Variants in OBSL1 observed in about 807,000 individuals in gnomAD.
OBSL1 encodes obscurin-like protein 1.
OBSL1 carries 160 observed loss-of-function variants against 172.0 expected under a neutral mutation model. The observed-to-expected ratio is 0.93, with a 90% CI of 0.82 to 1.06. The LOEUF (loss-of-function observed/expected upper bound fraction) is 1.06, where lower values mean the gene tolerates loss of function less well. OBSL1 is among the 50% of genes least tolerant of loss of function. OBSL1 has a pLI of 0.00. For synonymous variants in OBSL1, 1,200 were observed against 1,196.3 expected, an observed-to-expected ratio of 1.00 and a Z score of -0.06; for missense variants, 2,681 against 2,715.4, an observed-to-expected ratio of 0.99 and a Z score of 0.28.
Position 219,567,561 on chromosome 2 carries a change from G to T in OBSL1, c.1549C>A (p.Pro517Thr), listed in dbSNP as rs765875181. The T allele has an allele frequency of 2.6e-5, 42 of 1,609,478 alleles. No homozygotes were observed. The highest frequency in any genetic ancestry group is 3.6e-5 in the Non-Finnish European group (42 of 1,176,394). Reference sequence around the variant, plus strand: ...TCTGCCAATATGGGGGGTCCTGGGGGACTGTGCTTGACACCTGAGACCAAG... The same window carrying T: ...TCTGCCAATATGGGGGGTCCTGGGGTACTGTGCTTGACACCTGAGACCAAG... Reference protein sequence around the residue: ...LLRVKCVKHSPPGPPILAEMF... With the variant: ...LLRVKCVKHSTPGPPILAEMF... Residue 517 changes from proline (P) to threonine (T), a missense_variant, in exon 4 of 21, where the codon CCC becomes ACC. Coordinates refer to ENST00000404537, the MANE Select transcript of OBSL1 (RefSeq NM_015311.3).
chr2:219,571,253 A>T lies in OBSL1; in HGVS notation c.-21T>A. On this transcript the variant is annotated 5_prime_UTR_variant, in exon 1 of 21. Coordinates refer to ENST00000404537, the MANE Select transcript of OBSL1 (RefSeq NM_015311.3). ...TTCATCGCGGCGGCCGACCGCCTGCAGCGGCGAACGGTGGGGGGGCAGGGG... is the reference window on the plus strand; with the variant it reads ...TTCATCGCGGCGGCCGACCGCCTGCTGCGGCGAACGGTGGGGGGGCAGGGG... 2 of 1,153,844 alleles carry T rather than the reference A, an allele frequency of 1.7e-6. No homozygotes were observed. Among genetic ancestry groups the T allele is most frequent in the Admixed American group, 4.0e-5 (1 of 25,046 alleles). The allele number at this position is 1,153,844 out of a possible 1,614,324, so 71.5% of individuals were successfully genotyped here.
Position 219,552,512 on chromosome 2 carries a change from G to A in OBSL1, c.5308+24C>T, listed in dbSNP as rs1221880743. ...GCCTGGGCGGGGCAGCGAGGGGCCC[G>A]AAAGGGTAACCAGGCGGGCAGACCT... is the stretch of plus-strand genomic sequence containing the variant. On this transcript the variant is annotated intron_variant, in intron 18 of 20. Transcript: ENST00000404537. The A allele has an allele frequency of 1.9e-6, 3 of 1,586,380 alleles. No individual in the cohort carries two copies. In the South Asian group the frequency reaches 3.4e-5, roughly 18 times the overall value.
chr2:219,571,117 G>A lies in OBSL1; in HGVS notation c.116C>T (p.Pro39Leu). Residue 39 changes from proline (P) to leucine (L), a missense_variant, in exon 1 of 21, where the codon CCG becomes CTG. Physicochemically the swap from Pro to Leu is moderately conservative, Grantham distance 98. Transcript: ENST00000404537. ...AELKCVVLGE[P>L]PPVVVWEKGG... Reference sequence around the variant, plus strand: ...CTTCTCCCACACCACTACAGGCGGCGGCTCCCCCAGGACCACGCACTTGAG... The same window carrying A: ...CTTCTCCCACACCACTACAGGCGGCAGCTCCCCCAGGACCACGCACTTGAG... The A allele has an allele frequency of 6.8e-7, 1 of 1,470,098 alleles. No homozygotes were observed. Among genetic ancestry groups the A allele is most frequent in the Non-Finnish European group, 9.0e-7 (1 of 1,116,208 alleles). The allele number at this position is 1,470,098 out of a possible 1,614,324, so 91.1% of individuals were successfully genotyped here.
chr2:219,565,461 T>C lies in OBSL1; in HGVS notation c.2188A>G (p.Thr730Ala), dbSNP rs200676512. ...CAAGTCAGCACCACCCGCTCTGAGG[T>C]TGTGAAGGTCAACGACACCCTGTCC... ...PQDRVSLTFT[T>A]SERVVLTCEL... Residue 730 changes from threonine (T) to alanine (A), a missense_variant, in exon 6 of 21, where the codon ACC becomes GCC. Thr to Ala is a moderately conservative substitution (Grantham distance 58). Around this residue, in one of 5 missense-constraint regions of OBSL1, gnomAD observed 1,765 missense variants for 1,748.3 expected, o/e 1.01. Coordinates refer to ENST00000404537, the MANE Select transcript of OBSL1 (RefSeq NM_015311.3). 1.2e-6 allele frequency: 2 copies of C among 1,613,012 alleles called. No homozygotes were observed. Among genetic ancestry groups the C allele is most frequent in the East Asian group, 2.2e-5 (1 of 44,874 alleles).
downstream of OBSL1, chr2:219,549,111 G>A (rs201672992): frequency 1.4e-5 from 23 of 1,609,576 alleles, no homozygotes; most frequent in African/African-American, 5.3e-5. Context: ...GAAACAAGGC[G>A]CACCGTCCTC....
Position 219,552,609 on chromosome 2 carries a change from G to T in OBSL1, c.5235C>A (p.Val1745=). Residue 1745 remains valine, a synonymous_variant, in exon 18 of 21, where the codon GTC becomes GTA. Transcript: ENST00000404537. ...CGAGCTCCCAGCGCCCCGTGGTCTC[G>T]ACCTCCGACACGGTGCACTCGAACG... The part of the protein sequence containing the change: ...GATFECTVSE[V]ETTGRWELGG... 3 of 1,577,078 alleles carry T rather than the reference G, an allele frequency of 1.9e-6. No homozygotes were observed. Among genetic ancestry groups the T allele is most frequent in the Non-Finnish European group, 2.6e-6 (3 of 1,167,938 alleles).
chr2:219,551,431 C>T, intron 20 of OBSL1, 98 bp downstream of exon 20: 1 of 1,421,964 alleles, frequency 7.0e-7, no homozygotes, highest in Non-Finnish European at 9.4e-7. Flanking sequence ...GGACCCGTTG[C>T]CACCCCAAGT....
chr2:219,563,725 A>G (rs2106075247), intron 6 of OBSL1, 98 bp from the exon 7 acceptor site: 2 of 1,354,308 alleles, frequency 1.5e-6, no homozygotes, highest in East Asian at 2.3e-5. Flanking sequence ...ACAAGAGGAC[A>G]CTGGAGGAGG....
In OBSL1 at chr2:219,556,196, G is replaced by A. The variant is rs187584538; in HGVS notation, c.4433C>T (p.Ala1478Val). 13 of 1,612,040 alleles carry A rather than the reference G, an allele frequency of 8.1e-6. No individual in the cohort carries two copies. The highest frequency in any genetic ancestry group is 5.3e-5 in the African/African-American group (4 of 75,024). Residue 1478 changes from alanine (A) to valine (V), a missense_variant, in exon 14 of 21, where the codon GCG becomes GTG. Physicochemically the swap from Ala to Val is moderately conservative, Grantham distance 64. Transcript: ENST00000404537. ...LEVETGRVGAAGAVRWVRGGQ... is the reference protein window; with the variant it reads ...LEVETGRVGAVGAVRWVRGGQ... The stretch of plus-strand genomic sequence containing the variant: ...ACCTCGCACCCAGCGCACGGCCCCC[G>A]CTGCACCCACTCGGCCTGTCTCCAC...
At chr2:219,555,788 A>ATATAT in intron 14 of OBSL1, 1 of 1,384,666 alleles carries the variant, frequency 7.2e-7, no homozygotes, top group Non-Finnish European at 9.3e-7. Flanking sequence ...TTTATAGCAA[A>ATATAT]GCCGACTTGG....
At chr2:219,553,769 C>T in intron 15 of OBSL1, 83 bp from the exon 16 acceptor site, 1 of 838,680 alleles carries the variant, frequency 1.2e-6, no homozygotes, top group Non-Finnish European at 1.9e-6. Flanking sequence ...TACACTTGGG[C>T]ACAACAGGCA....
downstream of OBSL1, chr2:219,550,582 G>A (rs896255963): frequency 3.6e-6 from 2 of 550,922 alleles, no homozygotes; most frequent in Non-Finnish European, 6.5e-6. Flanking sequence ...AAACTGTGTG[G>A]CCTCTGCCAG....
chr2:219,565,175 G>A (rs1696789500), intron 6 of OBSL1, 67 bp downstream of exon 6: 2 of 1,497,588 alleles, frequency 1.3e-6, no homozygotes, highest in Non-Finnish European at 1.8e-6. Context: ...GCAGACCAGA[G>A]GGCATGGCTT....
At chr2:219,561,271 GC>G (rs1187334773) in intron 8 of OBSL1, among the ~76,000 whole-genome samples, 1 of 151,996 alleles carries the variant, frequency 6.6e-6, no homozygotes, top group African/African-American at 2.4e-5. Context: ...GGGGTTCTGT[GC>G]CCCCCAGAGC....
chr2:219,555,801 A>G (rs1695953434), intron 14 of OBSL1: 2 of 1,391,440 alleles, frequency 1.4e-6, no homozygotes, highest in African/African-American at 2.9e-5. Context: ...CGACTTGGAA[A>G]TATGCAATGG....
intron 7 of OBSL1, 100 bp from the exon 8 acceptor site, chr2:219,562,774 T>TG: frequency 7.5e-7 from 1 of 1,329,456 alleles, no homozygotes; most frequent in Non-Finnish European, 1.0e-6. Context: ...GGCCATGTGT[T>TG]GAAGAGGGAC....
At chr2:219,562,115 A>T in intron 8 of OBSL1, 1 of 695,718 alleles carries the variant, frequency 1.4e-6, no homozygotes, top group South Asian at 1.6e-5. Context: ...CAGCTCATTC[A>T]GAATAGGGAC....
At position 219,550,768 on chromosome 2, in the gene OBSL1, T is replaced by G. The variant is rs542353466; in HGVS notation, c.*67A>C. ...TTATTGTTCCTTGTCTCTCTACCCC[T>G]GCCCAGGGTAAGGGCAAACGCCTTC... On this transcript the variant is annotated 3_prime_UTR_variant, in exon 21 of 21. Transcript: ENST00000404537. The G allele has an allele frequency of 5.6e-5, 89 of 1,581,670 alleles. No individual in the cohort carries two copies. The African/African-American group carries it at 1.1e-3, about 19-fold the overall frequency.
At chr2:219,552,407 G>A (rs1695687978) in intron 18 of OBSL1, 129 bp downstream of exon 18, 6 of 976,626 alleles carry the variant, frequency 6.1e-6, no homozygotes, top group Non-Finnish European at 9.0e-6. Context: ...AAAGAACAGG[G>A]ACGAGGCTCA....
Sources: gnomAD v4.1 joint callset for allele counts (sites outside exome capture counted in the v4.1 genomes callset) on GRCh38, gnomAD v4.1.1 for gene constraint, gnomAD v4.1.1 regional missense constraint, MANE v1.5 for transcripts, NCBI Gene and HGNC (gene_info 2026-07-23, HGNC 2026-07-21) for gene names.